AMPD3: variants seen among roughly 807,000 people sequenced by gnomAD.
The protein encoded by AMPD3 is adenosine monophosphate deaminase 3.
A neutral mutation model predicts 82.3 loss-of-function variants in AMPD3; 57 were observed. The observed-to-expected ratio is 0.69, with a 90% CI of 0.56 to 0.86. AMPD3 has a LOEUF of 0.86. Ranked by LOEUF, AMPD3 falls within the 40% of genes least tolerant of loss-of-function variation. The pLI is 0.00. For missense variants in AMPD3, 870 were observed against 1,003.8 expected (o/e 0.87, Z 1.80); for synonymous variants, 381 against 394.7 (o/e 0.97, Z 0.41).
At position 10,502,725 on chromosome 11, in the gene AMPD3, C is replaced by T. The variant is rs767712561; in HGVS notation, c.1847C>T (p.Pro616Leu). ...AGTTCGGTGGTTCTTTTGCAGAGTC[C>T]GGTATTGCAGTATCTCTACTACCTT... The part of the protein sequence containing the change: ...ISHGLLLKKS[P>L]VLQYLYYLAQ... Residue 616 changes from proline to leucine, a missense_variant, in exon 13 of 15, where the codon CCG becomes CTG. By Grantham distance (98) the Pro-to-Leu change is moderately conservative. Transcript: ENST00000396553. 9.9e-6 allele frequency: 16 copies of T among 1,613,982 alleles called. No individual in the cohort carries two copies. Among genetic ancestry groups the T allele is most frequent in the South Asian group, 5.5e-5 (5 of 91,088 alleles).
intron 1 of AMPD3, chr11:10,455,914 C>G (rs981142928): frequency 1.0e-6 from 1 of 985,214 alleles, no homozygotes; most frequent in Non-Finnish European, 1.2e-6. Flanking sequence ...ACGTTCAGAA[C>G]GGAAGCAGCA....
chr11:10,466,602 C>T (rs1848429857), intron 2 of AMPD3, among the ~76,000 whole-genome samples: 2 of 152,180 alleles, frequency 1.3e-5, no homozygotes, highest in Non-Finnish European at 2.9e-5. Flanking sequence ...GAAGGGGCAG[C>T]TGTGGGCACA....
At chr11:10,472,251 C>G (rs905082486) in intron 2 of AMPD3, among the ~76,000 whole-genome samples, 2 of 151,720 alleles carry the variant, frequency 1.3e-5, no homozygotes, top group African/African-American at 2.4e-5. Flanking sequence ...AATGAGAACA[C>G]ATGGACACAG....
intron 1 of AMPD3, chr11:10,461,095 G>A (rs1591439989): frequency 8.5e-7 from 1 of 1,183,182 alleles, no homozygotes; most frequent in African/African-American, 1.6e-5. Flanking sequence ...TCTGTGAAGT[G>A]GGGGAGTGAG....
chr11:10,473,574 A>C, intron 2 of AMPD3: 7 of 985,412 alleles, frequency 7.1e-6, no homozygotes, highest in Non-Finnish European at 8.4e-6. Context: ...TGTTAGAATC[A>C]AAGTTACACC....
chr11:10,475,777 G>A (rs1848720469), intron 2 of AMPD3, among the ~76,000 whole-genome samples: 1 of 152,140 alleles, frequency 6.6e-6, no homozygotes, highest in Non-Finnish European at 1.5e-5. Context: ...GGAGATGAAG[G>A]GGGCTATGTG....
chr11:10,451,091 AC>A, upstream of AMPD3: 14 of 1,551,454 alleles, frequency 9.0e-6, no homozygotes, highest in Non-Finnish European at 1.2e-5. Flanking sequence ...AGCCCCGCGG[AC>A]CCTGCGGCCC....
chr11:10,474,733 C>G (rs1179237669), intron 2 of AMPD3, among the ~76,000 whole-genome samples: 3 of 152,242 alleles, frequency 2.0e-5, no homozygotes, highest in Non-Finnish European at 2.9e-5. Flanking sequence ...TTTGAGCCCT[C>G]AGGCTTGGCC....
chr11:10,473,919 A>G lies in AMPD3; in HGVS notation c.222-4607A>G, dbSNP rs115423192. 4.2e-3 allele frequency among the ~76,000 whole-genome samples: 644 copies of G among 152,280 alleles called. 6 individuals are homozygous for G. Among genetic ancestry groups the G allele is most frequent in the African/African-American group, 0.015 (619 of 41,550 alleles). ...TGCTGGTTTGTGACTTCTGATTCCA[A>G]CCTTTATTTTAGCGTAACAATTCTC... On this transcript the variant is annotated intron_variant, in intron 2 of 14. Transcript: ENST00000396553.
rs1849724507 is a variant in AMPD3, at chr11:10,506,817, G to A, written c.*933G>A. 1 of 152,212 alleles carries A rather than the reference G, an allele frequency of 6.6e-6. No homozygotes were observed. Among genetic ancestry groups the A allele is most frequent in the South Asian group, 2.1e-4 (1 of 4,830 alleles). The allele number at this position is 152,212 out of a possible 1,614,324, so 9.4% of individuals were successfully genotyped here. On this transcript the variant is annotated 3_prime_UTR_variant, in exon 15 of 15. Coordinates refer to ENST00000396553, the MANE Select transcript of AMPD3 (RefSeq NM_001025389.2). This position sits in a 1 kb window ranked among gnomAD's most constrained non-coding sequence, Gnocchi z 4.1. ...TAACTTAAGGGCACACAGCTAATAAGTAATAGGCCTAAACTGGATTTCCTT... is the reference window on the plus strand; with the variant it reads ...TAACTTAAGGGCACACAGCTAATAAATAATAGGCCTAAACTGGATTTCCTT...
Position 10,456,279 on chromosome 11 carries a change from G to T in AMPD3, c.-6+831G>T. On this transcript the variant is annotated intron_variant, in intron 1 of 14. Transcript: ENST00000396553. This position sits in a 1 kb window ranked among gnomAD's most constrained non-coding sequence, Gnocchi z 4.3. ...CAGAGACCTCCTACTCCAGCCGGCA[G>T]ACAGGACCCAGCCAGCTGCACGCAC... 6.3e-7 allele frequency: 1 copy of T among 1,582,022 alleles called. No individual in the cohort carries two copies. The highest frequency in any genetic ancestry group is 8.6e-7 in the Non-Finnish European group (1 of 1,161,228).
At chr11:10,450,483 G>T (rs1329871230), upstream of AMPD3, 7 of 985,682 alleles carry the variant, frequency 7.1e-6, no homozygotes, top group Admixed American at 6.1e-5. Flanking sequence ...GTCTCGCGCT[G>T]GGAAAAGTTG....
At chr11:10,461,380 T>C in intron 1 of AMPD3, 135 bp from the exon 2 acceptor site, 1 of 1,597,628 alleles carries the variant, frequency 6.3e-7, no homozygotes, top group Non-Finnish European at 8.5e-7. Context: ...CATGCTGGGT[T>C]TGGTCTGGGG....
At chr11:10,470,941 C>T (rs1403745934) in intron 2 of AMPD3, among the ~76,000 whole-genome samples, 1 of 152,296 alleles carries the variant, frequency 6.6e-6, no homozygotes, top group East Asian at 1.9e-4. Flanking sequence ...TGACTTTCTT[C>T]ACAGAATTAG....
upstream of AMPD3, among the ~76,000 whole-genome samples, chr11:10,452,836 C>T (rs914503911): frequency 7.2e-5 from 11 of 152,202 alleles, no homozygotes; most frequent in African/African-American, 2.7e-4. Flanking sequence ...TTATTATCCA[C>T]ACTTCATAGG....
chr11:10,490,993 A>G (rs575374402), intron 6 of AMPD3, among the ~76,000 whole-genome samples: 3 of 152,190 alleles, frequency 2.0e-5, no homozygotes, highest in Non-Finnish European at 4.4e-5. Flanking sequence ...TGCTGTGGCT[A>G]ACGACATGGG....
Position 10,505,990 on chromosome 11 carries a change from C to A in AMPD3, c.*106C>A, listed in dbSNP as rs1428866766. ...AGGACTTTCCTCTGTGAAGAGGATG[C>A]CTCTGAAGAAATTTTAAACTGGTGA... On this transcript the variant is annotated 3_prime_UTR_variant, in exon 15 of 15. Transcript: ENST00000396553. 4.5e-6 allele frequency: 6 copies of A among 1,328,020 alleles called. No homozygotes were observed. The highest frequency in any genetic ancestry group is 6.4e-6 in the Non-Finnish European group (6 of 935,282). 82.3% of individuals were successfully genotyped at this position (1,328,020 alleles called of 1,614,324 possible).
intron 2 of AMPD3, chr11:10,473,715 C>T (rs1411084927): frequency 2.4e-5 from 15 of 618,762 alleles, no homozygotes; most frequent in Non-Finnish European, 2.8e-5. Context: ...AGGCTGGGAC[C>T]TCTGGTCTCA....
rs746889878 is a variant in AMPD3 at position 10,502,747 on chromosome 11, C to T, written c.1869C>T (p.Tyr623=). ...KKSPVLQYLY[Y]LAQIPIAMSP... The stretch of plus-strand genomic sequence containing the variant: ...GTCCGGTATTGCAGTATCTCTACTA[C>T]CTTGCTCAGATCCCCATTGCCATGT... Residue 623 remains tyrosine (Y), a synonymous_variant, in exon 13 of 15, where the codon TAC becomes TAT. Transcript: ENST00000396553. 1 of 1,614,232 alleles carries T rather than the reference C, an allele frequency of 6.2e-7. No individual in the cohort carries two copies. Among genetic ancestry groups the T allele is most frequent in the Admixed American group, 1.7e-5 (1 of 60,032 alleles).
Sources: allele counts gnomAD v4.1 joint callset (sites outside exome capture counted in the v4.1 genomes callset), GRCh38; gene constraint gnomAD v4.1.1; non-coding constraint Gnocchi (gnomAD v3.1); transcripts MANE v1.5; gene names NCBI Gene and HGNC (gene_info 2026-07-23, HGNC 2026-07-21).